FGD4: variants seen among roughly 807,000 people sequenced by gnomAD.
The protein encoded by FGD4 is FYVE, RhoGEF and PH domain containing 4, also known as FYVE, RhoGEF and PH domain-containing protein 4.
FGD4 carries 42 observed loss-of-function variants against 102.0 expected under a neutral mutation model. The ratio of observed to expected loss-of-function variants is 0.41; its 90% CI spans 0.32 to 0.53. The LOEUF (loss-of-function observed/expected upper bound fraction) is 0.53, where lower values mean the gene tolerates loss of function less well. Ranked by LOEUF, FGD4 falls within the 20% of genes least tolerant of loss-of-function variation. The pLI is 0.21. For missense variants in FGD4, 902 were observed against 1,078.2 expected (o/e 0.84, Z 2.29); for synonymous variants, 380 against 375.7 (o/e 1.01, Z -0.13).
chr12:32,640,660 G>C lies in FGD4; in HGVS notation c.*127G>C. On this transcript the variant is annotated 3_prime_UTR_variant, in exon 17 of 17. Coordinates refer to ENST00000534526, the MANE Select transcript of FGD4 (RefSeq NM_001370298.3). The stretch of plus-strand genomic sequence containing the variant: ...TAGGCCCATAAATGCATCTTTTGAG[G>C]ACTATTTTCCTATGTTTATGTACTC... 1 of 1,304,552 alleles carries C rather than the reference G, an allele frequency of 7.7e-7. No individual in the cohort carries two copies. 80.8% of individuals were successfully genotyped at this position (1,304,552 alleles called of 1,614,324 possible).
intron 11 of FGD4, among the ~76,000 whole-genome samples, chr12:32,622,195 T>C (rs965707483): frequency 1.3e-5 from 2 of 152,174 alleles, no homozygotes; most frequent in Non-Finnish European, 2.9e-5. Flanking sequence ...TCATCAGTAG[T>C]TCTGATCATC....
chr12:32,573,124 T>C (rs1036915110), intron 2 of FGD4, among the ~76,000 whole-genome samples: 5 of 152,028 alleles, frequency 3.3e-5, no homozygotes, highest in Middle Eastern at 3.2e-3. Flanking sequence ...AGACGGGAGT[T>C]TCACTCTGTC....
chr12:32,510,050 G>A (rs529206441), intron 1 of FGD4, among the ~76,000 whole-genome samples: 1 of 152,326 alleles, frequency 6.6e-6, no homozygotes, highest in South Asian at 2.1e-4. Context: ...CACTTGACCT[G>A]TAATAAGCAA....
Position 32,644,408 on chromosome 12 carries a change from G to A in FGD4, c.*3875G>A, listed in dbSNP as rs1951307216. 1 of 152,154 alleles carries A rather than the reference G, an allele frequency of 6.6e-6. No homozygotes were observed. Among genetic ancestry groups the A allele is most frequent in the Admixed American group, 6.5e-5 (1 of 15,272 alleles). 9.4% of individuals were successfully genotyped at this position (152,154 alleles called of 1,614,324 possible). A position where few individuals can be genotyped will look rare whatever the true frequency, so the allele number is the denominator to read the frequency against. On this transcript the variant is annotated 3_prime_UTR_variant, in exon 17 of 17. Transcript: ENST00000534526. The stretch of plus-strand genomic sequence containing the variant: ...CCTTTCTGTGAATTTATACATGTAT[G>A]TATATATGTAAAAACACTGTTGATT...
At chr12:32,442,651 C>G (rs1019130531) in intron 1 of FGD4, among the ~76,000 whole-genome samples, 1 of 150,984 alleles carries the variant, frequency 6.6e-6, no homozygotes, top group African/African-American at 2.4e-5. Flanking sequence ...CTCTGCCTCC[C>G]GGGTTCAAGC....
intron 15 of FGD4, among the ~76,000 whole-genome samples, chr12:32,637,460 G>A (rs893661973): frequency 3.9e-5 from 6 of 151,900 alleles, no homozygotes; most frequent in Non-Finnish European, 8.8e-5. Context: ...GCCAAGCGTG[G>A]TGGTGAGTGC....
intron 1 of FGD4, among the ~76,000 whole-genome samples, chr12:32,426,592 G>A (rs138568230): frequency 6.6e-6 from 1 of 152,158 alleles, no homozygotes; most frequent in Non-Finnish European, 1.5e-5. Flanking sequence ...ATGAGTTAGG[G>A]GGGATTCCCT....
At chr12:32,621,940 T>C (rs1592440810) in intron 11 of FGD4, among the ~76,000 whole-genome samples, 1 of 150,584 alleles carries the variant, frequency 6.6e-6, no homozygotes, top group Non-Finnish European at 1.5e-5. Flanking sequence ...CAGGCTGGAG[T>C]GCAATGGCAT....
At chr12:32,580,717 C>A (rs1157213891) in intron 3 of FGD4, among the ~76,000 whole-genome samples, 1 of 152,028 alleles carries the variant, frequency 6.6e-6, no homozygotes, top group Non-Finnish European at 1.5e-5. Flanking sequence ...GAAACCCCGT[C>A]TCTACTAAAA....
At chr12:32,604,570 A>G (rs1295056777) in intron 7 of FGD4, among the ~76,000 whole-genome samples, 1 of 152,216 alleles carries the variant, frequency 6.6e-6, no homozygotes, top group Non-Finnish European at 1.5e-5. Context: ...TTTCACATCT[A>G]CAACCACAAC....
intron 3 of FGD4, among the ~76,000 whole-genome samples, chr12:32,580,433 G>A (rs368529922): frequency 6.6e-5 from 10 of 152,240 alleles, no homozygotes; most frequent in Non-Finnish European, 8.8e-5. Context: ...TGTGTCAAGC[G>A]CCACGCTAAG....
At chr12:32,501,986 C>T in intron 1 of FGD4, 6 of 966,990 alleles carry the variant, frequency 6.2e-6, no homozygotes, top group Non-Finnish European at 7.4e-6. Flanking sequence ...ACCTGCTAGG[C>T]AAGCCCTGCG....
rs148346781 is a variant in FGD4, at chr12:32,560,673, A to G, written c.167-3464A>G. On this transcript the variant is annotated intron_variant, in intron 1 of 16. Transcript: ENST00000534526. ...AACCATTTTAGCAGAAGTATGTCTG[A>G]TGAGGACCACCCCTGCCTTTTTTTT... Among the ~76,000 whole-genome samples, 32 of 152,162 alleles carry G rather than the reference A, an allele frequency of 2.1e-4. No individual in the cohort carries two copies. In the East Asian group the frequency reaches 6.0e-3, roughly 28 times the overall value.
intron 4 of FGD4, 39 bp downstream of exon 4, chr12:32,582,506 G>A (rs1417584303): frequency 4.4e-6 from 7 of 1,602,624 alleles, no homozygotes; most frequent in Non-Finnish European, 5.9e-6. Context: ...GGAAAACCCT[G>A]CCTATTCGAT....
At position 32,645,006 on chromosome 12, in the gene FGD4, T is replaced by C. The variant is rs1013012651; in HGVS notation, c.*4473T>C. 6.6e-6 allele frequency: 1 copy of C among 152,136 alleles called. No individual in the cohort carries two copies. Among genetic ancestry groups the C allele is most frequent in the Non-Finnish European group, 1.5e-5 (1 of 68,026 alleles). 9.4% of individuals were successfully genotyped at this position (152,136 alleles called of 1,614,324 possible). The stretch of plus-strand genomic sequence containing the variant: ...GAAATAGCACATGGCTTCTACAAGA[T>C]AGTTTTAACTTGTTGGGGTCACCGG... On this transcript the variant is annotated 3_prime_UTR_variant, in exon 17 of 17. Coordinates refer to ENST00000534526, the MANE Select transcript of FGD4 (RefSeq NM_001370298.3).
intron 1 of FGD4, among the ~76,000 whole-genome samples, chr12:32,439,241 G>T (rs1249493458): frequency 1.3e-5 from 2 of 152,106 alleles, no homozygotes; most frequent in African/African-American, 2.4e-5. Flanking sequence ...TTTGTGTCTG[G>T]CTTATAACAT....
chr12:32,565,483 C>T (rs2136294908), intron 2 of FGD4, among the ~76,000 whole-genome samples: 3 of 152,200 alleles, frequency 2.0e-5, no homozygotes, highest in Middle Eastern at 6.8e-3. Flanking sequence ...TATAAAATTC[C>T]ATTTCGCCCA....
intron 14 of FGD4, among the ~76,000 whole-genome samples, chr12:32,630,659 T>C (rs1950446713): frequency 6.6e-6 from 1 of 151,892 alleles, no homozygotes. Flanking sequence ...CTACTAAAAA[T>C]ACAAAAATTA....
At chr12:32,552,615 G>C (rs951426055) in intron 1 of FGD4, among the ~76,000 whole-genome samples, 2 of 151,764 alleles carry the variant, frequency 1.3e-5, no homozygotes, top group African/African-American at 4.8e-5. Flanking sequence ...ACAGCAGAAA[G>C]GGAAACCTCC....
Sources: gnomAD v4.1 joint callset for allele counts (sites outside exome capture counted in the v4.1 genomes callset) on GRCh38, gnomAD v4.1.1 for gene constraint, MANE v1.5 for transcripts, NCBI Gene and HGNC (gene_info 2026-07-23, HGNC 2026-07-21) for gene names.